The following GORAB variants were observed in gnomAD, a reference collection of about 807,000 sequenced individuals.
GORAB encodes the protein golgin, RAB6 interacting.
Under a neutral mutation model 29.9 loss-of-function variants are expected in GORAB, and 17 were observed. That is an observed-to-expected ratio of 0.57 (90% CI 0.39 to 0.85). The LOEUF is 0.85. GORAB is among the 40% of genes least tolerant of loss of function. The pLI, the probability that GORAB is intolerant of heterozygous loss-of-function variation, is 0.00. For synonymous variants in GORAB, 183 were observed against 157.2 expected (o/e 1.16, Z -1.23); for missense variants, 442 against 437.8 (o/e 1.01, Z -0.09).
intron 1 of GORAB, among the ~76,000 whole-genome samples, chr1:170,538,139 T>G (rs1412373107): frequency 6.6e-6 from 1 of 152,240 alleles, no homozygotes; most frequent in East Asian, 1.9e-4. Flanking sequence ...TAGAGCAGGT[T>G]AATTTTCAAC....
At chr1:170,551,087 G>C (rs1410101486) in intron 4 of GORAB, among the ~76,000 whole-genome samples, 3 of 152,164 alleles carry the variant, frequency 2.0e-5, no homozygotes, top group African/African-American at 7.2e-5. Flanking sequence ...AGTGTAAGAG[G>C]AGTAGTGGAG....
chr1:170,533,659 T>C (rs1648859080), intron 1 of GORAB: 1 of 410,142 alleles, frequency 2.4e-6, no homozygotes, highest in Non-Finnish European at 5.1e-6. Context: ...AGGGTAAAGA[T>C]GACTTAATAT....
chr1:170,538,228 G>T (rs1391541403), intron 1 of GORAB, among the ~76,000 whole-genome samples: 1 of 152,164 alleles, frequency 6.6e-6, no homozygotes, highest in Non-Finnish European at 1.5e-5. Flanking sequence ...CAGAAGCAAA[G>T]CTGGAATTGT....
At chr1:170,551,873 A>C (rs764578934) in intron 4 of GORAB, 142 bp from the exon 5 acceptor site, 3 of 722,560 alleles carry the variant, frequency 4.2e-6, no homozygotes, top group Non-Finnish European at 7.1e-6. Context: ...CATGTAGACA[A>C]GTGTTTGTAA....
Position 170,553,333 on chromosome 1 carries a change from A to C in GORAB, c.*871A>C, listed in dbSNP as rs1267778781. ...GAATTACCCTGTCATGAAGCGTTTA[A>C]ATTGTTAAAATGCTGATTTTCTTAT... On this transcript the variant is annotated 3_prime_UTR_variant, in exon 5 of 5. Transcript: ENST00000367763. The C allele has an allele frequency of 2.2e-6, 1 of 452,462 alleles. No homozygotes were observed. The highest frequency in any genetic ancestry group is 4.4e-6 in the Non-Finnish European group (1 of 226,404). The allele number at this position is 452,462 out of a possible 1,614,324, so 28.0% of individuals were successfully genotyped here. A position where few individuals can be genotyped will look rare whatever the true frequency, so the allele number is the denominator to read the frequency against.
rs374051444 is a variant in GORAB, at chr1:170,539,217, T to C, written c.69T>C (p.Phe23=). 7.6e-5 allele frequency: 123 copies of C among 1,614,040 alleles called. No individual in the cohort carries two copies. Among genetic ancestry groups the C allele is most frequent in the Non-Finnish European group, 1.0e-4 (121 of 1,180,018 alleles). The change falls in exon 2 of 5, where the codon TTT becomes TTC. Residue 23 remains phenylalanine (F), a synonymous_variant. Transcript: ENST00000367763. Reference sequence around the variant, plus strand: ...CTATTTTCTTTTACATAGATCCATTTGAACCACAGCGACGTCTCCCCGCGA... The same window carrying C: ...CTATTTTCTTTTACATAGATCCATTCGAACCACAGCGACGTCTCCCCGCGA... ...LRRLKQTKDP[F]EPQRRLPAKK...
chr1:170,540,110 A>G (rs1315288320), intron 2 of GORAB, among the ~76,000 whole-genome samples: 20 of 151,652 alleles, frequency 1.3e-4, no homozygotes, highest in Non-Finnish European at 1.5e-4. Flanking sequence ...GACTATTTCC[A>G]TTGGCCCAGA....
At chr1:170,545,877 T>A in intron 4 of GORAB, 2 of 328,716 alleles carry the variant, frequency 6.1e-6, no homozygotes, top group African/African-American at 2.2e-5. Flanking sequence ...ATTAACTACT[T>A]AAAAGAATGC....
chr1:170,551,276 A>G (rs1387471153), intron 4 of GORAB, among the ~76,000 whole-genome samples: 1 of 152,206 alleles, frequency 6.6e-6, no homozygotes, highest in African/African-American at 2.4e-5. Flanking sequence ...GCTTCTCACA[A>G]CAAATAATTA....
chr1:170,539,321 C>T lies in GORAB; in HGVS notation c.173C>T (p.Thr58Ile). Residue 58 changes from threonine (T) to isoleucine (I), a missense_variant, in exon 2 of 5, where the codon ACC becomes ATC. By Grantham distance (89) the Thr-to-Ile change is moderately conservative. Coordinates refer to ENST00000367763, the MANE Select transcript of GORAB (RefSeq NM_152281.3). ...AAACTTGGGCTTCAAGATGGATCAA[C>T]CTCATTACTTCCAGAGCAGCTGCTT... The part of the protein sequence containing the change: ...SQKLGLQDGS[T>I]SLLPEQLLSA... The T allele has an allele frequency of 6.2e-7, 1 of 1,614,146 alleles. No individual in the cohort carries two copies. The highest frequency in any genetic ancestry group is 8.5e-7 in the Non-Finnish European group (1 of 1,180,008).
At chr1:170,537,382 C>T (rs1571240950) in intron 1 of GORAB, among the ~76,000 whole-genome samples, 1 of 152,046 alleles carries the variant, frequency 6.6e-6, no homozygotes, top group East Asian at 1.9e-4. Context: ...TGGTGGCCAG[C>T]AACACTGAAT....
At chr1:170,544,919 T>G in intron 4 of GORAB, 74 bp downstream of exon 4, 1 of 1,565,154 alleles carries the variant, frequency 6.4e-7, no homozygotes, top group Non-Finnish European at 8.7e-7. Flanking sequence ...TCCAGGGGCT[T>G]TTATGTATAT....
At chr1:170,537,247 G>GT (rs757331814) in intron 1 of GORAB, among the ~76,000 whole-genome samples, 1 of 152,082 alleles carries the variant, frequency 6.6e-6, no homozygotes, top group Non-Finnish European at 1.5e-5. Context: ...TGTTGCCTTT[G>GT]TTTGGGGGTA....
Position 170,539,212 on chromosome 1 carries a change from C to T in GORAB, c.64C>T (p.Pro22Ser), listed in dbSNP as rs1649241246. 1.9e-6 allele frequency: 3 copies of T among 1,614,032 alleles called. No homozygotes were observed. The highest frequency in any genetic ancestry group is 1.3e-5 in the African/African-American group (1 of 75,016). ...TTCCTCTATTTTCTTTTACATAGAT[C>T]CATTTGAACCACAGCGACGTCTCCC... ...ELRRLKQTKD[P>S]FEPQRRLPAK... The change falls in exon 2 of 5, where the codon CCA becomes TCA. Residue 22 changes from proline (P) to serine (S), a missense_variant and splice_region_variant. Pro to Ser is a moderately conservative substitution (Grantham distance 74). Coordinates refer to ENST00000367763, the MANE Select transcript of GORAB (RefSeq NM_152281.3).
intron 4 of GORAB, 118 bp downstream of exon 4, chr1:170,544,963 G>T: frequency 1.4e-6 from 2 of 1,473,376 alleles, no homozygotes; most frequent in South Asian, 1.5e-5. Context: ...CCCATTCAGT[G>T]CTGTATTTAT....
intron 1 of GORAB, among the ~76,000 whole-genome samples, chr1:170,538,408 A>C (rs1458244663): frequency 6.6e-6 from 1 of 152,224 alleles, no homozygotes; most frequent in Non-Finnish European, 1.5e-5. Context: ...ATCTTATGAA[A>C]TATAGTATGA....
chr1:170,548,523 T>C (rs1466960333), intron 4 of GORAB, among the ~76,000 whole-genome samples: 1 of 152,202 alleles, frequency 6.6e-6, no homozygotes, highest in African/African-American at 2.4e-5. Flanking sequence ...GCAAGATGTC[T>C]TCCTCTGTCA....
chr1:170,534,042 A>G (rs1648886611), intron 1 of GORAB, among the ~76,000 whole-genome samples: 1 of 152,222 alleles, frequency 6.6e-6, no homozygotes, highest in Non-Finnish European at 1.5e-5. Context: ...AAATAAGGAC[A>G]GTAGTACTCT....
intron 3 of GORAB, 169 bp from the exon 4 acceptor site, chr1:170,544,536 T>G (rs1267510165): frequency 3.7e-6 from 2 of 539,784 alleles, no homozygotes; most frequent in Non-Finnish European, 6.3e-6. Context: ...TTTCAAAAAC[T>G]CAAATGTTAA....
Sources: gnomAD v4.1 joint callset for allele counts (sites outside exome capture counted in the v4.1 genomes callset) on GRCh38, gnomAD v4.1.1 for gene constraint, MANE v1.5 for transcripts, NCBI Gene and HGNC (gene_info 2026-07-23, HGNC 2026-07-21) for gene names.